Variants in DTNB observed in about 807,000 individuals in gnomAD.
DTNB encodes DTN-B.
In DTNB, 63 loss-of-function variants were observed where a neutral mutation model predicts 90.7. The observed-to-expected ratio is 0.69, with a 90% CI of 0.57 to 0.86. The LOEUF (loss-of-function observed/expected upper bound fraction) is 0.86, where lower values mean the gene tolerates loss of function less well. Among genes scored for constraint, DTNB ranks in the 40% least tolerant of loss-of-function variants. The pLI, the probability that DTNB is intolerant of heterozygous loss-of-function variation, is 0.00. For missense variants in DTNB, 744 were observed against 807.1 expected, an observed-to-expected ratio of 0.92 and a Z score of 0.95; for synonymous variants, 277 against 286.7, an observed-to-expected ratio of 0.97 and a Z score of 0.34.
At chr2:25,522,675 C>T (rs764035889) in intron 9 of DTNB, among the ~76,000 whole-genome samples, 1 of 151,156 alleles carries the variant, frequency 6.6e-6, no homozygotes, top group Non-Finnish European at 1.5e-5. Context: ...TTATTAACAC[C>T]ATTTTACAGA....
chr2:25,620,756 C>A (rs1428793488), intron 4 of DTNB, among the ~76,000 whole-genome samples: 1 of 151,984 alleles, frequency 6.6e-6, no homozygotes, highest in Non-Finnish European at 1.5e-5. Flanking sequence ...CCCTTGAAGC[C>A]AAGAGTTCAA....
intron 18 of DTNB, chr2:25,386,008 G>C: frequency 1.0e-6 from 1 of 985,222 alleles, no homozygotes; most frequent in Non-Finnish European, 1.2e-6. Flanking sequence ...CTGCATTAGG[G>C]AAAGCGCCTT....
chr2:25,614,851 C>A (rs901057633), intron 4 of DTNB, among the ~76,000 whole-genome samples: 6 of 152,208 alleles, frequency 3.9e-5, no homozygotes, highest in African/African-American at 1.4e-4. Context: ...TATTTCCCCA[C>A]ACACCAAGCA....
Position 25,387,427 on chromosome 2 carries a change from G to A in DTNB, c.1736-49C>T, listed in dbSNP as rs1190267150. 2 of 1,569,660 alleles carry A rather than the reference G, an allele frequency of 1.3e-6. No homozygotes were observed. The highest frequency in any genetic ancestry group is 1.7e-6 in the Non-Finnish European group (2 of 1,144,010). On this transcript the variant is annotated intron_variant, in intron 17 of 20. Coordinates refer to ENST00000406818, the MANE Select transcript of DTNB (RefSeq NM_021907.5). This position sits in a 1 kb window ranked among gnomAD's most constrained non-coding sequence, Gnocchi z 4.5. ...GGATGCCAGGGTGGGTGAGCGTGGAGAAGAGACGGCTGAGCAAATGCCTCA... is the reference window on the plus strand; with the variant it reads ...GGATGCCAGGGTGGGTGAGCGTGGAAAAGAGACGGCTGAGCAAATGCCTCA...
chr2:25,510,142 T>C (rs1396711826), intron 9 of DTNB, among the ~76,000 whole-genome samples: 1 of 152,098 alleles, frequency 6.6e-6, no homozygotes, highest in Non-Finnish European at 1.5e-5. Context: ...TTTTTTTTAT[T>C]TTGTCCTTCT....
At chr2:25,393,388 C>T (rs1310633658) in intron 16 of DTNB, among the ~76,000 whole-genome samples, 1 of 152,096 alleles carries the variant, frequency 6.6e-6, no homozygotes, top group South Asian at 2.1e-4. Context: ...CCAGAGCAAT[C>T]AGACAAGAGA....
chr2:25,446,409 T>G (rs1215005918), intron 12 of DTNB, among the ~76,000 whole-genome samples: 1 of 144,010 alleles, frequency 6.9e-6, no homozygotes, highest in East Asian at 1.9e-4. Context: ...GCTATTTTTG[T>G]TTTTTTTTTC....
chr2:25,566,389 C>T (rs1251799743), intron 8 of DTNB, among the ~76,000 whole-genome samples: 1 of 152,190 alleles, frequency 6.6e-6, no homozygotes, highest in Non-Finnish European at 1.5e-5. Context: ...CTCAGTGACA[C>T]CTGGAGTAGA....
At chr2:25,572,402 G>C (rs964199094) in intron 8 of DTNB, among the ~76,000 whole-genome samples, 3 of 151,542 alleles carry the variant, frequency 2.0e-5, no homozygotes, top group African/African-American at 7.3e-5. Flanking sequence ...AGGAGGCGGA[G>C]CTTGCAGTTA....
chr2:25,412,370 G>A (rs2046828159), intron 16 of DTNB, among the ~76,000 whole-genome samples: 2 of 152,148 alleles, frequency 1.3e-5, no homozygotes, highest in Admixed American at 6.5e-5. Flanking sequence ...AAAAGGAAAG[G>A]TCCCAAGTGT....
chr2:25,649,677 C>A (rs1034893612), intron 2 of DTNB, among the ~76,000 whole-genome samples: 1 of 152,122 alleles, frequency 6.6e-6, no homozygotes, highest in Non-Finnish European at 1.5e-5. Context: ...CGTGATCATA[C>A]CACTGCACTC....
intron 8 of DTNB, among the ~76,000 whole-genome samples, chr2:25,543,726 CTT>C (rs1179225358): frequency 6.6e-6 from 1 of 152,072 alleles, no homozygotes; most frequent in East Asian, 1.9e-4. Flanking sequence ...CTTGTTTCGT[CTT>C]TTTCCTATTT....
At chr2:25,454,290 A>T (rs773399790) in intron 11 of DTNB, among the ~76,000 whole-genome samples, 5 of 152,212 alleles carry the variant, frequency 3.3e-5, no homozygotes, top group African/African-American at 7.2e-5. Context: ...AGTCTTTTTC[A>T]TATGTATATT....
At chr2:25,662,598 C>A (rs1181368547) in intron 1 of DTNB, among the ~76,000 whole-genome samples, 1 of 148,152 alleles carries the variant, frequency 6.7e-6, no homozygotes, top group African/African-American at 2.5e-5. Context: ...GACCTAGGTG[C>A]CTCCTCATCT....
intron 11 of DTNB, among the ~76,000 whole-genome samples, chr2:25,454,258 G>A (rs1047492200): frequency 6.6e-6 from 1 of 151,952 alleles, no homozygotes; most frequent in South Asian, 2.1e-4. Context: ...TATGGAAAAC[G>A]GTATAAAGTA....
At chr2:25,589,367 C>CTCTTTTTTTT (rs2063078912) in intron 6 of DTNB, among the ~76,000 whole-genome samples, 4 of 57,556 alleles carry the variant, frequency 6.9e-5, no homozygotes, top group Admixed American at 2.5e-4. Context: ...TTTTTCTTTT[C>CTCTTTTTTTT]TTTTTTTTTT....
chr2:25,570,148 T>C (rs2059618644), intron 8 of DTNB, among the ~76,000 whole-genome samples: 1 of 150,766 alleles, frequency 6.6e-6, no homozygotes, highest in African/African-American at 2.4e-5. Flanking sequence ...CTCCATGGCT[T>C]ATGCCTGTAA....
At chr2:25,456,975 T>C (rs2060135783) in intron 10 of DTNB, among the ~76,000 whole-genome samples, 1 of 152,158 alleles carries the variant, frequency 6.6e-6, no homozygotes, top group African/African-American at 2.4e-5. Context: ...TTAGCTTTCC[T>C]GCTTTCTAGC....
At chr2:25,443,746 T>TA (rs761991040) in intron 12 of DTNB, among the ~76,000 whole-genome samples, 1 of 152,188 alleles carries the variant, frequency 6.6e-6, no homozygotes, top group Non-Finnish European at 1.5e-5. Flanking sequence ...TTTTTTCCAA[T>TA]AAAAATGGAT....
Sources: gnomAD v4.1 joint callset for allele counts (sites outside exome capture counted in the v4.1 genomes callset) on GRCh38, gnomAD v4.1.1 for gene constraint, Gnocchi (gnomAD v3.1) non-coding constraint, MANE v1.5 for transcripts, NCBI Gene and HGNC (gene_info 2026-07-23, HGNC 2026-07-21) for gene names.